Variants in ILRUN observed in about 807,000 individuals in gnomAD.
The protein encoded by ILRUN is inflammation and lipid regulator with UBA-like and NBR1-like domains, also known as protein ILRUN.
A neutral mutation model predicts 33.8 loss-of-function variants in ILRUN; 3 were observed. That is an observed-to-expected ratio of 0.09 (90% confidence interval 0.04 to 0.23). The LOEUF (loss-of-function observed/expected upper bound fraction) is 0.23. Among genes scored for constraint, ILRUN ranks in the 10% least tolerant of loss-of-function variants. ILRUN has a pLI of 1.00. For synonymous variants in ILRUN, 124 were observed against 138.9 expected, an observed-to-expected ratio of 0.89 and a Z score of 0.75; for missense variants, 210 against 375.1, an observed-to-expected ratio of 0.56 and a Z score of 3.64.
intron 2 of ILRUN, among the ~76,000 whole-genome samples, chr6:34,649,857 GA>G (rs1199113630): frequency 6.6e-6 from 1 of 152,190 alleles, no homozygotes; most frequent in Non-Finnish European, 1.5e-5. Flanking sequence ...TGTGTTGAAT[GA>G]AAGAAGCAAA....
In ILRUN at chr6:34,658,772, C is replaced by T. The variant is rs188885119; in HGVS notation, c.159-3993G>A. Among the ~76,000 whole-genome samples, 1,081 of 152,216 alleles carry T rather than the reference C, an allele frequency of 7.1e-3. 4 individuals carry two copies. Among genetic ancestry groups the T allele is most frequent in the Non-Finnish European group, 0.011 (768 of 67,996 alleles). On this transcript the variant is annotated intron_variant, in intron 1 of 4. Coordinates refer to ENST00000374023, the MANE Select transcript of ILRUN (RefSeq NM_024294.4). ...GCAGTGAGCTGAGATTGCGCCACTGCACTCCAGCCTGGGCAACAGGGCAAG... is the reference window on the plus strand; with the variant it reads ...GCAGTGAGCTGAGATTGCGCCACTGTACTCCAGCCTGGGCAACAGGGCAAG...
intron 2 of ILRUN, among the ~76,000 whole-genome samples, chr6:34,649,566 T>C (rs1762622234): frequency 6.6e-6 from 1 of 152,180 alleles, no homozygotes; most frequent in Admixed American, 6.5e-5. Flanking sequence ...AAAAAAACCC[T>C]GTCATGTTAC....
intron 4 of ILRUN, among the ~76,000 whole-genome samples, chr6:34,603,899 C>A (rs535591955): frequency 6.6e-6 from 1 of 152,270 alleles, no homozygotes; most frequent in South Asian, 2.1e-4. Context: ...TTCCTACACC[C>A]TATTCTAAGG....
intron 3 of ILRUN, among the ~76,000 whole-genome samples, chr6:34,625,856 T>C (rs1762114479): frequency 6.7e-6 from 1 of 149,126 alleles, no homozygotes; most frequent in Non-Finnish European, 1.5e-5. Context: ...CTTTTTTTTT[T>C]TTTTTTTTTT....
intron 1 of ILRUN, among the ~76,000 whole-genome samples, chr6:34,663,656 A>C (rs1328830593): frequency 3.9e-5 from 6 of 152,176 alleles, no homozygotes; most frequent in Admixed American, 2.0e-4. Context: ...GGTCTCTTTA[A>C]AAAGCAATTT....
At chr6:34,692,094 G>A (rs564319178) in intron 1 of ILRUN, among the ~76,000 whole-genome samples, 1 of 152,176 alleles carries the variant, frequency 6.6e-6, no homozygotes, top group African/African-American at 2.4e-5. Flanking sequence ...CTCCCACTTA[G>A]CTGGGACTAC....
chr6:34,623,008 T>C (rs1024402672), intron 3 of ILRUN, among the ~76,000 whole-genome samples: 2 of 152,238 alleles, frequency 1.3e-5, no homozygotes, highest in African/African-American at 4.8e-5. Context: ...GGACAGATAC[T>C]ATATAATTCC....
At chr6:34,632,826 G>A (rs1452337145) in intron 3 of ILRUN, among the ~76,000 whole-genome samples, 1 of 151,946 alleles carries the variant, frequency 6.6e-6, no homozygotes, top group Non-Finnish European at 1.5e-5. Flanking sequence ...CCCGGCCAGA[G>A]CAAATACATT....
rs781117377 is a variant in ILRUN at position 34,592,144 on chromosome 6, G to A, written c.862-1544C>T. Reference sequence around the variant, plus strand: ...GAAGGACATCTCTAGCTGCTTGGTCGTATCACTAAACTAAACAAAAAATCC... The same window carrying A: ...GAAGGACATCTCTAGCTGCTTGGTCATATCACTAAACTAAACAAAAAATCC... On this transcript the variant is annotated intron_variant, in intron 4 of 4. Transcript: ENST00000374023. The surrounding 1 kb of genome is among the most constrained non-coding windows in gnomAD (Gnocchi z 4.0). Among the ~76,000 whole-genome samples, 1 of 152,136 alleles carries A rather than the reference G, an allele frequency of 6.6e-6. No individual in the cohort carries two copies. The highest frequency in any genetic ancestry group is 1.5e-5 in the Non-Finnish European group (1 of 68,026).
chr6:34,672,481 A>G (rs1348076887), intron 1 of ILRUN, among the ~76,000 whole-genome samples: 1 of 152,096 alleles, frequency 6.6e-6, no homozygotes, highest in Non-Finnish European at 1.5e-5. Flanking sequence ...TGGGAGGCTG[A>G]GGTGGGAGGA....
intron 1 of ILRUN, among the ~76,000 whole-genome samples, chr6:34,663,581 C>T (rs997717552): frequency 1.1e-4 from 16 of 152,138 alleles, no homozygotes; most frequent in Admixed American, 1.0e-3. Flanking sequence ...GAACTCCAAG[C>T]AATCCTCCTG....
chr6:34,656,396 G>A (rs566401730), intron 1 of ILRUN, among the ~76,000 whole-genome samples: 1 of 152,272 alleles, frequency 6.6e-6, no homozygotes, highest in African/African-American at 2.4e-5. Context: ...GCGCGTGATT[G>A]TCAGCTTGGT....
At chr6:34,598,308 G>A (rs1761443239) in intron 4 of ILRUN, among the ~76,000 whole-genome samples, 1 of 152,188 alleles carries the variant, frequency 6.6e-6, no homozygotes, top group Admixed American at 6.5e-5. Context: ...TTTATCCTGA[G>A]ATACAACAGT....
chr6:34,676,588 G>T (rs562366238), intron 1 of ILRUN, among the ~76,000 whole-genome samples: 1 of 151,378 alleles, frequency 6.6e-6, no homozygotes, highest in Non-Finnish European at 1.5e-5. Context: ...CTGCAGCCTC[G>T]ACCTCCTGGG....
At chr6:34,609,214 C>T (rs1761694019) in intron 3 of ILRUN, among the ~76,000 whole-genome samples, 1 of 152,144 alleles carries the variant, frequency 6.6e-6, no homozygotes, top group African/African-American at 2.4e-5. Flanking sequence ...CCTGGCTGGG[C>T]ACGGTGGCTC....
chr6:34,604,905 CT>C (rs1485490486), intron 4 of ILRUN, among the ~76,000 whole-genome samples: 1 of 152,096 alleles, frequency 6.6e-6, no homozygotes, highest in Non-Finnish European at 1.5e-5. Context: ...GACTCTAATC[CT>C]TCATTTATGC....
Position 34,683,399 on chromosome 6 carries a change from C to CATATATACATATATATATACAT in ILRUN, c.158+13025_158+13046dup, listed in dbSNP as rs1444823256. Among the ~76,000 whole-genome samples the CATATATACATATATATATACAT allele has an allele frequency of 1.1e-3, 123 of 111,152 alleles. 3 individuals carry two copies. The East Asian group carries it at 0.012, about 11-fold the overall frequency. 72.9% of individuals were successfully genotyped at this position (111,152 alleles called of 152,430 possible). On this transcript the variant is annotated intron_variant, in intron 1 of 4. Transcript: ENST00000374023. ...TAGAAAATTCTGTTATATATATGCACATATATACATATATATATACATATA... is the reference window on the plus strand; with the variant it reads ...TAGAAAATTCTGTTATATATATGCACATATATACATATATATATACATATATATACATATATATATACATATA...
At chr6:34,616,395 G>A (rs191449457) in intron 3 of ILRUN, 18 of 480,602 alleles carry the variant, frequency 3.7e-5, no homozygotes, top group Non-Finnish European at 3.3e-5. Flanking sequence ...TGAGCTATAA[G>A]CTACAGGCTC....
intron 2 of ILRUN, among the ~76,000 whole-genome samples, chr6:34,654,180 G>T (rs955886039): frequency 5.0e-5 from 7 of 141,048 alleles, no homozygotes; most frequent in Admixed American, 3.5e-4. Context: ...AAAAAAAAAA[G>T]AGCTTTCAAA....
Sources: allele counts gnomAD v4.1 joint callset (sites outside exome capture counted in the v4.1 genomes callset), GRCh38; gene constraint gnomAD v4.1.1; non-coding constraint Gnocchi (gnomAD v3.1); transcripts MANE v1.5; gene names NCBI Gene and HGNC (gene_info 2026-07-23, HGNC 2026-07-21).